The following SP110 variants were observed in gnomAD, a reference collection of about 807,000 sequenced individuals.
SP110 encodes interferon-induced protein 41, 30kD.
Under a neutral mutation model 92.7 loss-of-function variants are expected in SP110, and 62 were observed. That is an observed-to-expected ratio of 0.67 (90% CI 0.55 to 0.83). SP110 has a LOEUF of 0.83. Ranked by LOEUF, SP110 falls within the 40% of genes least tolerant of loss-of-function variation. The pLI is 0.00. For synonymous variants in SP110, 273 were observed against 305.3 expected, an observed-to-expected ratio of 0.89 and a Z score of 1.10; for missense variants, 793 against 863.9, an observed-to-expected ratio of 0.92 and a Z score of 1.03.
At chr2:230,175,945 C>CTTTTTTTTTTTT (rs34906767) in intron 14 of SP110, among the ~76,000 whole-genome samples, 4,446 of 130,114 alleles carry the variant, frequency 0.034, 310 homozygotes, top group African/African-American at 0.063. Flanking sequence ...CTGCAGCATT[C>CTTTTTTTTTTTT]TTTTTTTTTT....
intron 15 of SP110, chr2:230,172,569 G>T: frequency 1.9e-6 from 1 of 534,500 alleles, no homozygotes. Context: ...TTCCTCAACA[G>T]GCACAGAACA....
chr2:230,172,739 C>T, intron 15 of SP110, 105 bp downstream of exon 15: 1 of 741,258 alleles, frequency 1.3e-6, no homozygotes, highest in Non-Finnish European at 2.4e-6. Context: ...GTCTCTGGCA[C>T]CAGACTGCTC....
intron 3 of SP110, 106 bp downstream of exon 3, chr2:230,214,844 G>A: frequency 2.1e-6 from 2 of 932,900 alleles, no homozygotes; most frequent in South Asian, 2.7e-5. Flanking sequence ...CCACCCCAGA[G>A]AGAAGGCGGG....
intron 3 of SP110, among the ~76,000 whole-genome samples, chr2:230,214,321 C>T (rs2044848368): frequency 6.6e-6 from 1 of 152,132 alleles, no homozygotes; most frequent in South Asian, 2.1e-4. Flanking sequence ...CCTTCTCTGG[C>T]TTTACAATCT....
Position 230,211,354 on chromosome 2 carries a change from G to T in SP110, c.751+116C>A. The T allele has an allele frequency of 1.3e-6, 1 of 764,250 alleles. No individual in the cohort carries two copies. The highest frequency in any genetic ancestry group is 2.4e-6 in the Non-Finnish European group (1 of 423,746). 47.3% of individuals were successfully genotyped at this position (764,250 alleles called of 1,614,324 possible). ...AAGTGCTGGGTGAACTGGAAGCTGG[G>T]CCAAGATTGCTGAGAGGCAGGAGGA... is the stretch of plus-strand genomic sequence containing the variant. On this transcript the variant is annotated intron_variant, in intron 6 of 18. Coordinates refer to ENST00000258381, the MANE Select transcript of SP110 (RefSeq NM_080424.4). This position sits in a 1 kb window ranked among gnomAD's most constrained non-coding sequence, Gnocchi z 4.2.
intron 8 of SP110, among the ~76,000 whole-genome samples, chr2:230,205,951 A>G (rs1203333225): frequency 2.0e-5 from 3 of 152,186 alleles, no homozygotes; most frequent in African/African-American, 7.2e-5. Context: ...CCCATAGAGA[A>G]TACACATAAC....
At chr2:230,184,343 GTGGTTAACAC>G (rs1389274059) in intron 11 of SP110, among the ~76,000 whole-genome samples, 2 of 152,266 alleles carry the variant, frequency 1.3e-5, no homozygotes, top group African/African-American at 4.8e-5. Context: ...GCATAAAGCA[GTGGTTAACAC>G]TGGGTGATTT....
chr2:230,202,271 A>G (rs1357651002), intron 9 of SP110, among the ~76,000 whole-genome samples: 1 of 152,226 alleles, frequency 6.6e-6, no homozygotes, highest in Non-Finnish European at 1.5e-5. Flanking sequence ...GACATAAACA[A>G]CATAAACAGA....
chr2:230,204,690 A>G (rs2043564601), intron 8 of SP110, among the ~76,000 whole-genome samples: 1 of 152,136 alleles, frequency 6.6e-6, no homozygotes, highest in South Asian at 2.1e-4. Flanking sequence ...TATGTAAGTA[A>G]TTACAATAGA....
At position 230,202,559 on chromosome 2, in the gene SP110, G is replaced by C. The variant is rs772397512; in HGVS notation, c.1048+20C>G. The C allele has an allele frequency of 2.5e-5, 41 of 1,613,492 alleles. No individual in the cohort carries two copies. The highest frequency in any genetic ancestry group is 3.4e-5 in the Non-Finnish European group (40 of 1,179,388). On this transcript the variant is annotated intron_variant, in intron 9 of 18. Coordinates refer to ENST00000258381, the MANE Select transcript of SP110 (RefSeq NM_080424.4). The stretch of plus-strand genomic sequence containing the variant: ...CCCACACTGAGCCATTCAAATGGCA[G>C]ATTCCATCATCAGCCTTACCCTCTG...
chr2:230,193,557 C>T (rs759106133), intron 10 of SP110, among the ~76,000 whole-genome samples: 2 of 152,176 alleles, frequency 1.3e-5, no homozygotes, highest in Non-Finnish European at 2.9e-5. Context: ...CTGGTAGTGA[C>T]AAATTCCCTC....
At chr2:230,171,673 G>C in intron 17 of SP110, 23 bp downstream of exon 17, 3 of 1,589,204 alleles carry the variant, frequency 1.9e-6, no homozygotes, top group Non-Finnish European at 2.6e-6. Context: ...TTTTATGCAA[G>C]AGAACCGTAA....
At chr2:230,220,803 A>G (rs1020792094), upstream of SP110, among the ~76,000 whole-genome samples, 12 of 152,196 alleles carry the variant, frequency 7.9e-5, no homozygotes, top group African/African-American at 2.9e-4. Flanking sequence ...TAGGAGTTTG[A>G]GACCAGTCTG....
intron 18 of SP110, among the ~76,000 whole-genome samples, chr2:230,170,228 G>C (rs1457595640): frequency 1.2e-4 from 17 of 147,162 alleles, no homozygotes. Context: ...GATTATCCAG[G>C]AAGTTTAATT....
At chr2:230,210,710 T>C (rs1343426658) in intron 6 of SP110, among the ~76,000 whole-genome samples, 4 of 152,222 alleles carry the variant, frequency 2.6e-5, no homozygotes, top group Non-Finnish European at 5.9e-5. Context: ...AAATAAAGGC[T>C]CATCTCACAT....
chr2:230,178,360 G>A (rs541642819), intron 12 of SP110, 105 bp from the exon 13 acceptor site: 7 of 721,056 alleles, frequency 9.7e-6, no homozygotes, highest in Non-Finnish European at 1.7e-5. Flanking sequence ...ATTGGGGAAC[G>A]TTCTCTGGTT....
chr2:230,183,770 T>A (rs567383080), intron 11 of SP110, 130 bp from the exon 12 acceptor site: 1 of 711,582 alleles, frequency 1.4e-6, no homozygotes. Flanking sequence ...TGAGTCCTTA[T>A]GAAAGGACTT....
intron 14 of SP110, chr2:230,173,161 G>A (rs1049024655): frequency 1.1e-5 from 6 of 549,412 alleles, no homozygotes; most frequent in African/African-American, 5.6e-5. Flanking sequence ...GGTGGTGACC[G>A]CCGCCACCAG....
Position 230,215,090 on chromosome 2 carries a change from A to T in SP110, c.176T>A (p.Ile59Asn). ...GTTGTGCACCACTCTGGATACAGGG[A>T]TCAAATTTCTACAGGCTTCCAGAGA... is the stretch of plus-strand genomic sequence containing the variant. The part of the protein sequence containing the change: ...MESLEACRNL[I>N]PVSRVVHNIL... The change falls in exon 3 of 19, where the codon ATC (isoleucine) becomes AAC (asparagine). Residue 59 changes from isoleucine to asparagine, a missense_variant. Ile to Asn is a moderately radical substitution (Grantham distance 149). Coordinates refer to ENST00000258381, the MANE Select transcript of SP110 (RefSeq NM_080424.4). 1 of 1,613,960 alleles carries T rather than the reference A, an allele frequency of 6.2e-7. No homozygotes were observed. The highest frequency in any genetic ancestry group is 8.5e-7 in the Non-Finnish European group (1 of 1,179,836).
Sources: allele counts gnomAD v4.1 joint callset (sites outside exome capture counted in the v4.1 genomes callset), GRCh38; gene constraint gnomAD v4.1.1; non-coding constraint Gnocchi (gnomAD v3.1); transcripts MANE v1.5; gene names NCBI Gene and HGNC (gene_info 2026-07-23, HGNC 2026-07-21).